The following ACBD6 variants were observed in gnomAD, a reference collection of about 807,000 sequenced individuals.
ACBD6 encodes the protein acyl-CoA binding domain containing 6.
A neutral mutation model predicts 37.2 loss-of-function variants in ACBD6; 28 were observed. The observed-to-expected ratio is 0.75, with a 90% CI of 0.56 to 1.03. The LOEUF is 1.03. ACBD6 is among the 50% of genes least tolerant of loss of function. The pLI is 0.00. For missense variants in ACBD6, 340 were observed against 337.4 expected, an observed-to-expected ratio of 1.01 and a Z score of -0.06; for synonymous variants, 113 against 126.8, an observed-to-expected ratio of 0.89 and a Z score of 0.73.
At chr1:180,270,902 A>G (rs1460565884) in exon 14 of ACBD6, 3 of 239,324 alleles carry the variant, frequency 1.3e-5, no homozygotes, top group Middle Eastern at 1.5e-3. Context: ...GAGCCCAGCG[A>G]CGCCAGGGCA....
intron 5 of ACBD6, among the ~76,000 whole-genome samples, chr1:180,397,884 C>T (rs1003750800): frequency 2.0e-5 from 3 of 152,080 alleles, no homozygotes; most frequent in African/African-American, 7.2e-5. Flanking sequence ...GAAACCCTGT[C>T]TCTGCTAAAA....
intron 3 of ACBD6, among the ~76,000 whole-genome samples, chr1:180,480,920 AT>A (rs781768094): frequency 7.9e-5 from 12 of 152,132 alleles, no homozygotes; most frequent in African/African-American, 2.9e-4. Context: ...AGTCCCAGCT[AT>A]CCAGGAGGCT....
rs924100764 is a variant in ACBD6, at chr1:180,475,344, T to C, written c.384+16925A>G. 3.3e-5 allele frequency among the ~76,000 whole-genome samples: 5 copies of C among 152,214 alleles called. No individual in the cohort carries two copies. The South Asian group carries it at 6.2e-4, about 19-fold the overall frequency. On this transcript the variant is annotated intron_variant, in intron 3 of 7. Transcript: ENST00000367595. Reference sequence around the variant, plus strand: ...CTACTTTGTATCCCCGGGCAACCACTGATCTGGTTTCTGTCACTGTAGTTT... The same window carrying C: ...CTACTTTGTATCCCCGGGCAACCACCGATCTGGTTTCTGTCACTGTAGTTT...
chr1:180,412,685 G>A (rs1647907500), intron 5 of ACBD6, among the ~76,000 whole-genome samples: 1 of 152,110 alleles, frequency 6.6e-6, no homozygotes, highest in African/African-American at 2.4e-5. Flanking sequence ...GGGCGACATA[G>A]CAAGACCCCA....
chr1:180,496,973 G>A (rs1329224152), intron 1 of ACBD6, among the ~76,000 whole-genome samples: 1 of 152,082 alleles, frequency 6.6e-6, no homozygotes, highest in Non-Finnish European at 1.5e-5. Flanking sequence ...TGAATTAGTA[G>A]TCCGGATTTA....
chr1:180,428,669 C>A (rs1269546087), intron 4 of ACBD6, among the ~76,000 whole-genome samples: 1 of 152,110 alleles, frequency 6.6e-6, no homozygotes, highest in Non-Finnish European at 1.5e-5. Flanking sequence ...GTATTCAGTA[C>A]ATCATTTTGA....
rs187438885 is a variant in ACBD6, at chr1:180,382,893, T to C, written c.663+14623A>G. ...CCAGGGATGTAAGGATGGTCCAACA[T>C]ACACAAATTAATAAATGTGATACAT... is the stretch of plus-strand genomic sequence containing the variant. On this transcript the variant is annotated intron_variant, in intron 6 of 7. Coordinates refer to ENST00000367595, the MANE Select transcript of ACBD6 (RefSeq NM_032360.4). Among the ~76,000 whole-genome samples the C allele has an allele frequency of 2.6e-5, 4 of 152,232 alleles. No homozygotes were observed. The East Asian group carries it at 7.7e-4, about 29-fold the overall frequency.
chr1:180,358,196 A>C (rs1652699011), intron 6 of ACBD6, among the ~76,000 whole-genome samples: 1 of 152,208 alleles, frequency 6.6e-6, no homozygotes, highest in African/African-American at 2.4e-5. Context: ...TGGGAGGCCG[A>C]GGTGGGCGGA....
intron 3 of ACBD6, among the ~76,000 whole-genome samples, chr1:180,458,637 G>A (rs865854230): frequency 6.6e-6 from 1 of 152,054 alleles, no homozygotes; most frequent in African/African-American, 2.4e-5. Flanking sequence ...AGTAATAAAG[G>A]CATTTCAGAA....
chr1:180,279,320 A>G (rs1011969844), intron 9 of ACBD6, among the ~76,000 whole-genome samples: 3 of 152,072 alleles, frequency 2.0e-5, no homozygotes, highest in African/African-American at 7.2e-5. Context: ...TTTTTGAGAC[A>G]GAGTCTTGCG....
At chr1:180,315,046 C>T (rs546325947) in intron 6 of ACBD6, among the ~76,000 whole-genome samples, 30 of 151,980 alleles carry the variant, frequency 2.0e-4, no homozygotes, top group African/African-American at 7.0e-4. Flanking sequence ...GAAAAATTGA[C>T]ACTATGTCTC....
At chr1:180,309,066 G>T (rs1343162054) in intron 7 of ACBD6, among the ~76,000 whole-genome samples, 1 of 152,150 alleles carries the variant, frequency 6.6e-6, no homozygotes, top group African/African-American at 2.4e-5. Context: ...TCTTATTCGT[G>T]TATTTCTAGC....
intron 6 of ACBD6, among the ~76,000 whole-genome samples, chr1:180,346,144 G>A (rs1304345320): frequency 6.6e-6 from 1 of 152,110 alleles, no homozygotes; most frequent in East Asian, 1.9e-4. Context: ...TAACAAGATG[G>A]AATTTAACAG....
chr1:180,327,789 T>C (rs753078289), intron 6 of ACBD6, among the ~76,000 whole-genome samples: 6 of 152,240 alleles, frequency 3.9e-5, no homozygotes, highest in Admixed American at 6.5e-5. Flanking sequence ...ATTTAGCTTA[T>C]AGTTACTAGC....
At chr1:180,486,360 C>T (rs1448192938) in intron 3 of ACBD6, among the ~76,000 whole-genome samples, 1 of 152,242 alleles carries the variant, frequency 6.6e-6, no homozygotes, top group Non-Finnish European at 1.5e-5. Context: ...GAAGCTCATA[C>T]AGTTTGCCAT....
intron 6 of ACBD6, among the ~76,000 whole-genome samples, chr1:180,332,680 T>A (rs1260948076): frequency 6.6e-6 from 1 of 152,036 alleles, no homozygotes; most frequent in Non-Finnish European, 1.5e-5. Context: ...TATATTATAG[T>A]GAGTTGTATA....
chr1:180,395,064 A>G (rs1654208335), intron 6 of ACBD6, among the ~76,000 whole-genome samples: 1 of 152,206 alleles, frequency 6.6e-6, no homozygotes, highest in South Asian at 2.1e-4. Flanking sequence ...ATGATAAACT[A>G]TTTGGCATGG....
At chr1:180,317,046 T>C (rs1001423081) in intron 6 of ACBD6, among the ~76,000 whole-genome samples, 4 of 152,224 alleles carry the variant, frequency 2.6e-5, no homozygotes, top group African/African-American at 9.7e-5. Context: ...TCATCTTCCT[T>C]GTCTGAAAGT....
intron 4 of ACBD6, among the ~76,000 whole-genome samples, chr1:180,425,734 C>A (rs56089354): frequency 0.042 from 6,435 of 152,160 alleles, 430 homozygotes; most frequent in African/African-American, 0.14. Context: ...AAGTAATTTA[C>A]AATAAAACTA....
Sources: gnomAD v4.1 joint callset for allele counts (sites outside exome capture counted in the v4.1 genomes callset) on GRCh38, gnomAD v4.1.1 for gene constraint, MANE v1.5 for transcripts, NCBI Gene and HGNC (gene_info 2026-07-23, HGNC 2026-07-21) for gene names.